PLEKHS1: variants seen among roughly 807,000 people sequenced by gnomAD.
PLEKHS1 encodes the protein pleckstrin homology domain containing S1.
Under a neutral mutation model 51.0 loss-of-function variants are expected in PLEKHS1, and 55 were observed. The observed-to-expected ratio is 1.08, with a 90% CI of 0.87 to 1.35. PLEKHS1 has a LOEUF of 1.35. PLEKHS1 is among the 40% of genes most tolerant of loss of function. The pLI is 0.00. For missense variants in PLEKHS1, 398 were observed against 423.0 expected (o/e 0.94, Z 0.52); for synonymous variants, 153 against 144.8 (o/e 1.06, Z -0.41).
chr10:113,769,861 T>C, exon 7 of PLEKHS1: 1 of 1,614,100 alleles, frequency 6.2e-7, no homozygotes. Context: ...CATCAGAGGC[T>C]GTTGGCTCCA....
At chr10:113,768,818 G>T in exon 6 of PLEKHS1, 3 of 1,613,086 alleles carry the variant, frequency 1.9e-6, no homozygotes, top group Non-Finnish European at 2.5e-6. Flanking sequence ...TCAACAGGGA[G>T]AAGATTAAAG....
At chr10:113,752,861 G>A (rs143292963) in intron 1 of PLEKHS1, among the ~76,000 whole-genome samples, 1 of 152,290 alleles carries the variant, frequency 6.6e-6, no homozygotes, top group Non-Finnish European at 1.5e-5. Context: ...GAGGGCAAAT[G>A]TTATTTGGGA....
chr10:113,756,840 C>A (rs889391322), intron 2 of PLEKHS1, among the ~76,000 whole-genome samples: 5 of 151,652 alleles, frequency 3.3e-5, no homozygotes, highest in African/African-American at 9.7e-5. Flanking sequence ...AGACCTTGAC[C>A]GCGTATGACA....
chr10:113,765,565 TG>T (rs1309779824), intron 2 of PLEKHS1, among the ~76,000 whole-genome samples: 1 of 152,162 alleles, frequency 6.6e-6, no homozygotes, highest in Non-Finnish European at 1.5e-5. Context: ...GAAAACGGGG[TG>T]GCAGAAGTGA....
chr10:113,757,413 G>C (rs968333891), intron 2 of PLEKHS1, among the ~76,000 whole-genome samples: 1 of 152,158 alleles, frequency 6.6e-6, no homozygotes, highest in African/African-American at 2.4e-5. Context: ...TGAATTTATT[G>C]GATTCCATAA....
chr10:113,781,750 A>T (rs1462317488), exon 12 of PLEKHS1: 1 of 112,652 alleles, frequency 8.9e-6, no homozygotes, highest in African/African-American at 3.5e-5. Flanking sequence ...CTCCTTCCCC[A>T]ACACCTCCTT....
In PLEKHS1 at chr10:113,780,783, G is replaced by A. The variant is rs543929872; in HGVS notation, c.*181G>A. The A allele has an allele frequency of 6.9e-5, 106 of 1,543,696 alleles. 1 individual carries two copies. In the South Asian group the frequency reaches 1.1e-3, roughly 16 times the overall value. On this transcript the variant is annotated 3_prime_UTR_variant, in exon 12 of 12. Coordinates refer to ENST00000361048, the Ensembl canonical transcript of PLEKHS1. The stretch of plus-strand genomic sequence containing the variant: ...CAGCAGAAAGGAGCCAGGGAGTAAC[G>A]CACCCCAGACCCATGGCAGCAGAAC...
intron 5 of PLEKHS1, 38 bp downstream of exon 5, chr10:113,767,517 G>A: frequency 2.6e-6 from 4 of 1,565,134 alleles, no homozygotes; most frequent in Non-Finnish European, 3.5e-6. Context: ...TCTACTGCAT[G>A]CAAAACAAAA....
Position 113,780,751 on chromosome 10 carries a change from A to G in PLEKHS1, c.*149A>G, listed in dbSNP as rs1291309561. 3 of 1,577,974 alleles carry G rather than the reference A, an allele frequency of 1.9e-6. No individual in the cohort carries two copies. The African/African-American group carries it at 4.0e-5, about 21-fold the overall frequency. ...CTCCCAAGAGGAGTCCGGCCATTAA[A>G]AAGAGCCAGCAGAAAGGAGCCAGGG... is the stretch of plus-strand genomic sequence containing the variant. On this transcript the variant is annotated 3_prime_UTR_variant, in exon 12 of 12. Transcript: ENST00000361048.
chr10:113,777,243 G>T, intron 11 of PLEKHS1: 1 of 1,612,758 alleles, frequency 6.2e-7, no homozygotes, highest in Non-Finnish European at 8.5e-7. Context: ...TTTCTTACCC[G>T]GTCCATCCAG....
chr10:113,775,088 C>A, intron 10 of PLEKHS1, 53 bp downstream of exon 10: 1 of 1,463,244 alleles, frequency 6.8e-7, no homozygotes. Context: ...GGCAGCCTCC[C>A]TCCCACTTTT....
intron 2 of PLEKHS1, among the ~76,000 whole-genome samples, chr10:113,756,680 G>GA (rs1854129696): frequency 6.6e-6 from 1 of 152,096 alleles, no homozygotes; most frequent in Non-Finnish European, 1.5e-5. Flanking sequence ...AAAGAAATCA[G>GA]AAAAAAGAGC....
At chr10:113,767,052 G>T (rs988115869) in intron 4 of PLEKHS1, among the ~76,000 whole-genome samples, 3 of 152,108 alleles carry the variant, frequency 2.0e-5, no homozygotes, top group Non-Finnish European at 4.4e-5. Flanking sequence ...ATTTAGATCA[G>T]CTTTTTTTGG....
intron 11 of PLEKHS1, among the ~76,000 whole-genome samples, 174 bp from the exon 13 acceptor site, chr10:113,780,428 T>C (rs932266378): frequency 6.6e-6 from 1 of 152,146 alleles, no homozygotes; most frequent in African/African-American, 2.4e-5. Flanking sequence ...AAATCCACCT[T>C]CCACCTAACT....
chr10:113,771,773 G>A (rs1277847294), intron 7 of PLEKHS1, among the ~76,000 whole-genome samples, 197 bp from the exon 8 acceptor site: 1 of 151,940 alleles, frequency 6.6e-6, no homozygotes, highest in African/African-American at 2.4e-5. Flanking sequence ...TGAGTGATGT[G>A]CTTATATGTT....
At chr10:113,767,236 A>T (rs1399302708) in intron 4 of PLEKHS1, 109 bp from the exon 5 acceptor site, 1 of 767,174 alleles carries the variant, frequency 1.3e-6, no homozygotes, top group Non-Finnish European at 1.8e-6. Context: ...TCTTGGAAAC[A>T]TGGATCCAGC....
intron 1 of PLEKHS1, among the ~76,000 whole-genome samples, chr10:113,752,892 G>A (rs935549659): frequency 6.6e-6 from 1 of 152,122 alleles, no homozygotes; most frequent in African/African-American, 2.4e-5. Context: ...GCATGAATGT[G>A]GTGCTGTGTG....
intron 2 of PLEKHS1, among the ~76,000 whole-genome samples, chr10:113,763,487 TTC>T (rs1296171658): frequency 6.6e-6 from 1 of 152,180 alleles, no homozygotes; most frequent in African/African-American, 2.4e-5. Context: ...GTTATTTATT[TTC>T]TGTTTGTCCT....
chr10:113,753,440 C>T (rs984567197), intron 1 of PLEKHS1, among the ~76,000 whole-genome samples: 1 of 152,198 alleles, frequency 6.6e-6, no homozygotes, highest in Non-Finnish European at 1.5e-5. Flanking sequence ...AATTGCTCTT[C>T]CAGGAAACAA....
Sources: allele counts gnomAD v4.1 joint callset (sites outside exome capture counted in the v4.1 genomes callset), GRCh38; gene constraint gnomAD v4.1.1; transcripts MANE v1.5; gene names NCBI Gene and HGNC (gene_info 2026-07-23, HGNC 2026-07-21).